The following SRRM4 variants were observed in gnomAD, a reference collection of about 807,000 sequenced individuals.
SRRM4 encodes the protein serine/arginine repetitive matrix protein 4.
Under a neutral mutation model 68.9 loss-of-function variants are expected in SRRM4, and 33 were observed. The ratio of observed to expected loss-of-function variants is 0.48; its 90% CI spans 0.36 to 0.64. The LOEUF (loss-of-function observed/expected upper bound fraction) is 0.64, where lower values mean the gene tolerates loss of function less well. SRRM4 is among the 30% of genes least tolerant of loss of function. SRRM4 has a pLI of 0.00. For missense variants in SRRM4, 817 were observed against 827.1 expected (o/e 0.99, Z 0.15); for synonymous variants, 318 against 318.8 (o/e 1.00, Z 0.03).
Position 119,154,113 on chromosome 12 carries a change from T to A in SRRM4, c.1392-130T>A. The A allele has an allele frequency of 1.2e-6, 1 of 809,474 alleles. No homozygotes were observed. Among genetic ancestry groups the A allele is most frequent in the Non-Finnish European group, 2.0e-6 (1 of 508,542 alleles). The allele number at this position is 809,474 out of a possible 1,614,324, so 50.1% of individuals were successfully genotyped here. ...CCGTCATCCTCCCTCCGGTCTCCCT[T>A]GCGGCAACGTGCAGACCCCATCCCG... On this transcript the variant is annotated intron_variant, in intron 11 of 12. Transcript: ENST00000267260. The surrounding 1 kb of genome is among the most constrained non-coding windows in gnomAD (Gnocchi z 4.7).
intron 1 of SRRM4, among the ~76,000 whole-genome samples, chr12:119,038,401 C>G (rs972564414): frequency 3.6e-4 from 54 of 151,938 alleles, no homozygotes; most frequent in Admixed American, 3.5e-3. Flanking sequence ...TTAGTAGAGA[C>G]GGGGTTTCAC....
At chr12:119,005,864 G>A (rs898264569) in intron 1 of SRRM4, among the ~76,000 whole-genome samples, 6 of 152,130 alleles carry the variant, frequency 3.9e-5, no homozygotes, top group Admixed American at 1.3e-4. Context: ...ATTAGGATTC[G>A]GGAGATCTGA....
At chr12:119,030,097 A>T (rs1953578547) in intron 1 of SRRM4, among the ~76,000 whole-genome samples, 1 of 152,254 alleles carries the variant, frequency 6.6e-6, no homozygotes, top group African/African-American at 2.4e-5. Flanking sequence ...ACAGAAGGGC[A>T]GAGGTAACTG....
chr12:119,080,516 G>C (rs1953941543), intron 1 of SRRM4, among the ~76,000 whole-genome samples: 1 of 152,170 alleles, frequency 6.6e-6, no homozygotes, highest in Non-Finnish European at 1.5e-5. Context: ...CTCACAGATA[G>C]TAAGTGGCTC....
At chr12:119,012,666 A>G (rs368019835) in intron 1 of SRRM4, among the ~76,000 whole-genome samples, 1 of 152,084 alleles carries the variant, frequency 6.6e-6, no homozygotes, top group South Asian at 2.1e-4. Context: ...TCTGAGCCAA[A>G]TTCTTCCTTC....
At chr12:119,093,130 T>C (rs76537411) in intron 1 of SRRM4, among the ~76,000 whole-genome samples, 1,866 of 152,090 alleles carry the variant, frequency 0.012, 48 homozygotes, top group African/African-American at 0.043. Context: ...CCCCTCGCAG[T>C]AGTATTCCAT....
In SRRM4 at chr12:119,159,985, A is replaced by G. The variant is rs1423419140; in HGVS notation, c.*3187A>G. The stretch of plus-strand genomic sequence containing the variant: ...TGGAAGGGCCCAGGATCCAAAGGTC[A>G]TCAGTCCTGCTTATCTGACCAACTG... On this transcript the variant is annotated 3_prime_UTR_variant, in exon 13 of 13. Transcript: ENST00000267260. 2 of 151,912 alleles carry G rather than the reference A, an allele frequency of 1.3e-5. No homozygotes were observed. Among genetic ancestry groups the G allele is most frequent in the African/African-American group, 2.4e-5 (1 of 41,326 alleles). 9.4% of individuals were successfully genotyped at this position (151,912 alleles called of 1,614,324 possible).
intron 1 of SRRM4, among the ~76,000 whole-genome samples, chr12:119,052,350 A>G (rs1953748234): frequency 6.6e-6 from 1 of 152,140 alleles, no homozygotes; most frequent in Non-Finnish European, 1.5e-5. Context: ...TCTGGTGATA[A>G]CTGGGTGTGT....
At chr12:118,989,128 T>TG (rs754137256) in intron 1 of SRRM4, among the ~76,000 whole-genome samples, 99 of 151,882 alleles carry the variant, frequency 6.5e-4, no homozygotes, top group South Asian at 2.9e-3. Flanking sequence ...GGTCCTGGGC[T>TG]GGGGGCAGGA....
chr12:119,013,046 C>T (rs931634571), intron 1 of SRRM4, among the ~76,000 whole-genome samples: 6 of 152,204 alleles, frequency 3.9e-5, no homozygotes, highest in Non-Finnish European at 8.8e-5. Context: ...CACCCTCCAG[C>T]ATCTCCAGAT....
rs549783128 is a variant in SRRM4 at position 119,059,235 on chromosome 12, T to C, written c.132-43001T>C. Among the ~76,000 whole-genome samples the C allele has an allele frequency of 2.6e-5, 4 of 152,268 alleles. No individual in the cohort carries two copies. In the East Asian group the frequency reaches 7.7e-4, roughly 29 times the overall value. ...ACATTCAACCCCTTGACAACTATATTGAAAAGACTCAGAATGCTGCTTTTA... is the reference window on the plus strand; with the variant it reads ...ACATTCAACCCCTTGACAACTATATCGAAAAGACTCAGAATGCTGCTTTTA... On this transcript the variant is annotated intron_variant, in intron 1 of 12. Coordinates refer to ENST00000267260, the MANE Select transcript of SRRM4 (RefSeq NM_194286.4).
chr12:119,142,381 T>G (rs1445002746), intron 8 of SRRM4, among the ~76,000 whole-genome samples: 1 of 152,180 alleles, frequency 6.6e-6, no homozygotes, highest in Non-Finnish European at 1.5e-5. Flanking sequence ...TGTGGATAAG[T>G]CAGAGCCAGG....
chr12:118,992,597 G>A (rs570004112), intron 1 of SRRM4, among the ~76,000 whole-genome samples: 1 of 152,336 alleles, frequency 6.6e-6, no homozygotes, highest in Admixed American at 6.5e-5. Context: ...GAGCAGTGGT[G>A]CAGGATTTAT....
At position 119,033,431 on chromosome 12, in the gene SRRM4, G is replaced by A. The variant is rs530174206; in HGVS notation, c.131+51418G>A. 7.2e-5 allele frequency among the ~76,000 whole-genome samples: 11 copies of A among 152,248 alleles called. No homozygotes were observed. The East Asian group carries it at 1.4e-3, about 19-fold the overall frequency. Reference sequence around the variant, plus strand: ...CTGTAATCCCAGCACTTAGGGAGACGGAGGTGGGCAGATCACGAGGTCAAG... The same window carrying A: ...CTGTAATCCCAGCACTTAGGGAGACAGAGGTGGGCAGATCACGAGGTCAAG... On this transcript the variant is annotated intron_variant, in intron 1 of 12. Transcript: ENST00000267260.
At chr12:119,140,126 C>T (rs1016988416) in intron 8 of SRRM4, among the ~76,000 whole-genome samples, 1 of 152,164 alleles carries the variant, frequency 6.6e-6, no homozygotes, top group Non-Finnish European at 1.5e-5. Flanking sequence ...GTAATCCCAG[C>T]ACTTTGGGAG....
chr12:119,075,626 A>G (rs1024061013), intron 1 of SRRM4, among the ~76,000 whole-genome samples: 4 of 151,014 alleles, frequency 2.6e-5, no homozygotes, highest in Non-Finnish European at 5.9e-5. Flanking sequence ...GATGGTGATG[A>G]TGATAGTGGT....
chr12:119,098,185 G>C (rs73408079), intron 1 of SRRM4, among the ~76,000 whole-genome samples: 4,370 of 152,262 alleles, frequency 0.029, 211 homozygotes, highest in African/African-American at 0.099. Context: ...CCAACAGCCA[G>C]CACCAGCTTG....
At chr12:119,111,909 G>C (rs1008031799) in intron 2 of SRRM4, among the ~76,000 whole-genome samples, 4 of 152,130 alleles carry the variant, frequency 2.6e-5, no homozygotes, top group African/African-American at 9.7e-5. Flanking sequence ...AGCCTGGCTT[G>C]GTGGCGGGGG....
intron 1 of SRRM4, among the ~76,000 whole-genome samples, chr12:118,983,542 G>A (rs561946823): frequency 2.0e-4 from 31 of 152,308 alleles, no homozygotes; most frequent in African/African-American, 7.2e-4. Context: ...CCTTTGGAAC[G>A]TACCTACTGT....
Sources: gnomAD v4.1 joint callset for allele counts (sites outside exome capture counted in the v4.1 genomes callset) on GRCh38, gnomAD v4.1.1 for gene constraint, Gnocchi (gnomAD v3.1) non-coding constraint, MANE v1.5 for transcripts, NCBI Gene and HGNC (gene_info 2026-07-23, HGNC 2026-07-21) for gene names.